Variants in GRM7 observed in about 807,000 individuals in gnomAD.
The protein encoded by GRM7 is metabotropic glutamate receptor 7.
A neutral mutation model predicts 84.5 loss-of-function variants in GRM7; 35 were observed. The ratio of observed to expected loss-of-function variants is 0.41; its 90% CI spans 0.32 to 0.55. GRM7 has a LOEUF of 0.55. GRM7 is among the 20% of genes least tolerant of loss of function. The pLI is 0.19. For missense variants in GRM7, 1,003 were observed against 1,194.6 expected, an observed-to-expected ratio of 0.84 and a Z score of 2.36; for synonymous variants, 487 against 455.1, an observed-to-expected ratio of 1.07 and a Z score of -0.89.
chr3:6,950,733 A>T (rs768200857), intron 1 of GRM7, among the ~76,000 whole-genome samples: 32 of 152,020 alleles, frequency 2.1e-4, no homozygotes, highest in Non-Finnish European at 4.0e-4. Context: ...CGCTTTGTTT[A>T]CCTACTCAAG....
chr3:7,610,382 T>G (rs4684554), intron 8 of GRM7, among the ~76,000 whole-genome samples: 1 of 152,142 alleles, frequency 6.6e-6, no homozygotes, highest in Non-Finnish European at 1.5e-5. Context: ...CCTGCTGTCA[T>G]TGGTTCCAGA....
At chr3:7,154,263 A>T (rs1377870622) in intron 2 of GRM7, among the ~76,000 whole-genome samples, 1 of 152,158 alleles carries the variant, frequency 6.6e-6, no homozygotes, top group Non-Finnish European at 1.5e-5. Flanking sequence ...AAGTCATCAC[A>T]TATTAATGGA....
intron 4 of GRM7, among the ~76,000 whole-genome samples, chr3:7,339,226 G>T (rs1323172277): frequency 6.6e-6 from 1 of 152,016 alleles, no homozygotes; most frequent in Non-Finnish European, 1.5e-5. Context: ...TTCAAAATTT[G>T]CTTGGATGGA....
intron 1 of GRM7, among the ~76,000 whole-genome samples, chr3:7,111,404 T>C (rs1275143322): frequency 1.3e-5 from 2 of 152,144 alleles, no homozygotes; most frequent in Non-Finnish European, 2.9e-5. Flanking sequence ...TAGGAGTATG[T>C]TACATGTAAG....
chr3:7,219,219 A>G (rs954749455), intron 2 of GRM7, among the ~76,000 whole-genome samples: 2 of 151,788 alleles, frequency 1.3e-5, no homozygotes, highest in African/African-American at 4.8e-5. Flanking sequence ...GATTTTTCAT[A>G]TAATGTTCTA....
At chr3:7,478,784 A>C (rs548652215) in intron 7 of GRM7, among the ~76,000 whole-genome samples, 2 of 152,256 alleles carry the variant, frequency 1.3e-5, no homozygotes, top group Admixed American at 6.5e-5. Flanking sequence ...TGTGTACATG[A>C]CTAGTTATTA....
rs1693262957 is a variant in GRM7, at chr3:6,960,703, G to GT, written c.519+98800dup. 2.0e-5 allele frequency among the ~76,000 whole-genome samples: 3 copies of GT among 151,994 alleles called. No individual in the cohort carries two copies. The South Asian group carries it at 6.2e-4, about 32-fold the overall frequency. The stretch of plus-strand genomic sequence containing the variant: ...CCAATCTCCAATATTTTCTCTTATT[G>GT]TTTTCTTCCTCTTCTGACTTGAATA... On this transcript the variant is annotated intron_variant, in intron 1 of 9. Transcript: ENST00000357716.
At chr3:6,922,217 C>T (rs923991071) in intron 1 of GRM7, among the ~76,000 whole-genome samples, 7 of 152,202 alleles carry the variant, frequency 4.6e-5, no homozygotes, top group Non-Finnish European at 1.0e-4. Flanking sequence ...TCCTCACCTG[C>T]CAGTTTACTT....
At chr3:7,201,980 G>C (rs866874307) in intron 2 of GRM7, among the ~76,000 whole-genome samples, 1 of 152,070 alleles carries the variant, frequency 6.6e-6, no homozygotes, top group Non-Finnish European at 1.5e-5. Context: ...TATCTGTTTA[G>C]TATTAATTAC....
At chr3:7,586,210 A>C (rs892489547) in intron 8 of GRM7, among the ~76,000 whole-genome samples, 4 of 152,116 alleles carry the variant, frequency 2.6e-5, no homozygotes, top group Non-Finnish European at 5.9e-5. Context: ...CAACTAGAAC[A>C]CTCATATACT....
chr3:7,455,137 C>G (rs970887500), intron 6 of GRM7, among the ~76,000 whole-genome samples: 3 of 152,154 alleles, frequency 2.0e-5, no homozygotes, highest in Non-Finnish European at 2.9e-5. Flanking sequence ...TGGATTATAA[C>G]TCATAAAATA....
intron 2 of GRM7, among the ~76,000 whole-genome samples, chr3:7,209,044 C>G (rs961360301): frequency 6.6e-6 from 1 of 152,166 alleles, no homozygotes; most frequent in African/African-American, 2.4e-5. Context: ...ATCTCACAGC[C>G]TTGCCTAGTC....
chr3:7,258,219 C>T (rs1698280018), intron 2 of GRM7, among the ~76,000 whole-genome samples: 1 of 152,134 alleles, frequency 6.6e-6, no homozygotes, highest in Non-Finnish European at 1.5e-5. Flanking sequence ...TGTTCTACCA[C>T]TGCCCCATTT....
chr3:7,049,832 A>G (rs554523923), intron 1 of GRM7, among the ~76,000 whole-genome samples: 10 of 152,024 alleles, frequency 6.6e-5, no homozygotes, highest in African/African-American at 2.4e-4. Context: ...ACCCAAACAA[A>G]GTAAACTGCC....
intron 1 of GRM7, among the ~76,000 whole-genome samples, chr3:7,117,012 T>C (rs1455582493): frequency 1.3e-5 from 2 of 152,102 alleles, no homozygotes; most frequent in African/African-American, 2.4e-5. Flanking sequence ...GCTTTAAAGG[T>C]GAAAGTGTAT....
chr3:7,204,504 G>A (rs1559500913), intron 2 of GRM7, among the ~76,000 whole-genome samples: 1 of 152,198 alleles, frequency 6.6e-6, no homozygotes, highest in African/African-American at 2.4e-5. Context: ...TGGACAAAGG[G>A]AAAATGATTC....
chr3:7,027,021 C>G (rs371041645), intron 1 of GRM7, among the ~76,000 whole-genome samples: 13 of 152,190 alleles, frequency 8.5e-5, no homozygotes, highest in African/African-American at 2.7e-4. Flanking sequence ...AAAATGCCCT[C>G]CCCATTGTGT....
chr3:7,587,396 C>T (rs972738798), intron 8 of GRM7, among the ~76,000 whole-genome samples: 1 of 152,158 alleles, frequency 6.6e-6, no homozygotes, highest in Non-Finnish European at 1.5e-5. Flanking sequence ...CTAGGTTCCT[C>T]TTAGCAAAAT....
chr3:6,919,553 A>G (rs1255744269), intron 1 of GRM7, among the ~76,000 whole-genome samples: 1 of 146,574 alleles, frequency 6.8e-6, no homozygotes, highest in African/African-American at 2.5e-5. Context: ...GAAAAACATT[A>G]TTGTATTGTT....
Sources: allele counts gnomAD v4.1 joint callset (sites outside exome capture counted in the v4.1 genomes callset), GRCh38; gene constraint gnomAD v4.1.1; transcripts MANE v1.5; gene names NCBI Gene and HGNC (gene_info 2026-07-23, HGNC 2026-07-21).